NKAIN2: variants seen among roughly 807,000 people sequenced by gnomAD.
The protein encoded by NKAIN2 is sodium/potassium transporting ATPase interacting 2.
Under a neutral mutation model 32.6 loss-of-function variants are expected in NKAIN2, and 14 were observed. The ratio of observed to expected loss-of-function variants is 0.43; its 90% CI spans 0.28 to 0.67. The LOEUF (loss-of-function observed/expected upper bound fraction) is 0.67. Among genes scored for constraint, NKAIN2 ranks in the 30% least tolerant of loss-of-function variants. NKAIN2 has a pLI of 0.17. For missense variants in NKAIN2, 198 were observed against 258.3 expected (o/e 0.77, Z 1.60); for synonymous variants, 80 against 87.2 (o/e 0.92, Z 0.46).
chr6:124,439,986 T>A (rs1775623091), intron 3 of NKAIN2, among the ~76,000 whole-genome samples: 1 of 151,964 alleles, frequency 6.6e-6, no homozygotes, highest in Non-Finnish European at 1.5e-5. Context: ...AAAAAGCAAA[T>A]TTGGGTAGAG....
chr6:123,853,015 T>C (rs984821208), intron 1 of NKAIN2, among the ~76,000 whole-genome samples: 2 of 152,248 alleles, frequency 1.3e-5, no homozygotes, highest in East Asian at 3.8e-4. Flanking sequence ...CTGTAGACTT[T>C]ATCATCATGT....
intron 4 of NKAIN2, among the ~76,000 whole-genome samples, chr6:124,766,812 G>A (rs921674529): frequency 2.6e-5 from 4 of 152,162 alleles, no homozygotes; most frequent in Admixed American, 6.6e-5. Context: ...TTAGGTAAAG[G>A]AATTGAAATC....
intron 3 of NKAIN2, among the ~76,000 whole-genome samples, chr6:124,453,596 AAGAG>A (rs1487157860): frequency 1.3e-5 from 2 of 152,078 alleles, no homozygotes; most frequent in African/African-American, 2.4e-5. Context: ...AGACTATTAA[AAGAG>A]AGAAAAACAA....
intron 1 of NKAIN2, among the ~76,000 whole-genome samples, chr6:123,836,689 A>G (rs916088934): frequency 1.3e-5 from 2 of 151,956 alleles, no homozygotes; most frequent in African/African-American, 2.4e-5. Context: ...AATCTGAATT[A>G]TGTCTGTAGT....
rs1422371467 is a variant in NKAIN2, at chr6:124,619,719, C to A, written c.274-38467C>A. 2.6e-5 allele frequency among the ~76,000 whole-genome samples: 4 copies of A among 151,968 alleles called. No individual in the cohort carries two copies. The East Asian group carries it at 7.7e-4, about 29-fold the overall frequency. ...CTTTGAATTATACCTTCTACACTTG[C>A]CATATAAAAATAATTAGTAATGTAA... On this transcript the variant is annotated intron_variant, in intron 3 of 6. Transcript: ENST00000368417.
chr6:123,972,609 G>C (rs1193489444), intron 1 of NKAIN2, among the ~76,000 whole-genome samples: 1 of 152,116 alleles, frequency 6.6e-6, no homozygotes, highest in Non-Finnish European at 1.5e-5. Flanking sequence ...CTCTATAAAA[G>C]ATAAGAGCCT....
chr6:124,359,884 A>G (rs1245855512), intron 3 of NKAIN2, among the ~76,000 whole-genome samples: 5 of 152,270 alleles, frequency 3.3e-5, no homozygotes, highest in Admixed American at 6.5e-5. Flanking sequence ...GTTTTTGCCC[A>G]TTCAGTATGA....
At chr6:124,733,253 T>C (rs1307125158) in intron 4 of NKAIN2, among the ~76,000 whole-genome samples, 5 of 151,968 alleles carry the variant, frequency 3.3e-5, no homozygotes, top group Non-Finnish European at 5.9e-5. Flanking sequence ...CATGAAATTA[T>C]GCATTTATAA....
At chr6:123,966,905 G>T (rs986465613) in intron 1 of NKAIN2, among the ~76,000 whole-genome samples, 1 of 152,086 alleles carries the variant, frequency 6.6e-6, no homozygotes, top group Non-Finnish European at 1.5e-5. Flanking sequence ...CCAATCTAAA[G>T]TAGTGTTGCT....
chr6:124,426,926 C>T (rs1583234627), intron 3 of NKAIN2, among the ~76,000 whole-genome samples: 1 of 152,270 alleles, frequency 6.6e-6, no homozygotes, highest in South Asian at 2.1e-4. Flanking sequence ...CACCTTCCAC[C>T]ATGATTATGA....
At chr6:124,276,047 T>C (rs1233167220) in intron 1 of NKAIN2, among the ~76,000 whole-genome samples, 1 of 152,128 alleles carries the variant, frequency 6.6e-6, no homozygotes, top group Non-Finnish European at 1.5e-5. Context: ...ACTTGAAGTC[T>C]GAACCACCAT....
chr6:124,405,966 T>C (rs1032869384), intron 3 of NKAIN2, among the ~76,000 whole-genome samples: 1 of 151,108 alleles, frequency 6.6e-6, no homozygotes, highest in Non-Finnish European at 1.5e-5. Flanking sequence ...ACTAGCTTGA[T>C]GCAGTGTAAA....
chr6:123,848,725 C>A (rs1391040085), intron 1 of NKAIN2, among the ~76,000 whole-genome samples: 1 of 152,128 alleles, frequency 6.6e-6, no homozygotes, highest in East Asian at 1.9e-4. Flanking sequence ...TTTGACTGAG[C>A]CAAAGGGTGT....
intron 5 of NKAIN2, among the ~76,000 whole-genome samples, chr6:124,809,433 T>C (rs1203139999): frequency 4.8e-5 from 7 of 146,828 alleles, no homozygotes; most frequent in African/African-American, 1.5e-4. Flanking sequence ...TAGCCATATG[T>C]AGAAAGCTGA....
intron 4 of NKAIN2, among the ~76,000 whole-genome samples, chr6:124,704,058 GA>G (rs1170906829): frequency 6.6e-6 from 1 of 151,926 alleles, no homozygotes; most frequent in Non-Finnish European, 1.5e-5. Context: ...GGGAGTTCTG[GA>G]AAAACGTTGG....
intron 1 of NKAIN2, among the ~76,000 whole-genome samples, chr6:124,241,618 A>T (rs1003835757): frequency 6.6e-6 from 1 of 152,054 alleles, no homozygotes; most frequent in Non-Finnish European, 1.5e-5. Flanking sequence ...TCTTCGAAAA[A>T]CCTGACAAAA....
At chr6:124,574,544 G>A (rs191934294) in intron 3 of NKAIN2, among the ~76,000 whole-genome samples, 148 of 152,238 alleles carry the variant, frequency 9.7e-4, no homozygotes, top group African/African-American at 3.1e-3. Flanking sequence ...ACTTAAACCC[G>A]GGATGCAGAG....
In NKAIN2 at chr6:124,607,752, A is replaced by AT. The variant is rs374607485; in HGVS notation, c.274-50428dup. 5.5e-3 allele frequency among the ~76,000 whole-genome samples: 832 copies of AT among 152,160 alleles called. 11 individuals are homozygous for AT. Among genetic ancestry groups the AT allele is most frequent in the African/African-American group, 0.019 (787 of 41,526 alleles). On this transcript the variant is annotated intron_variant, in intron 3 of 6. Transcript: ENST00000368417. Reference sequence around the variant, plus strand: ...ACAACTTACAATGGTTCAACCTATGATTTTTTACCTTTACAATGGTACAAA... The same window carrying AT: ...ACAACTTACAATGGTTCAACCTATGATTTTTTTACCTTTACAATGGTACAAA...
intron 3 of NKAIN2, among the ~76,000 whole-genome samples, chr6:124,497,772 A>G (rs1778118128): frequency 7.2e-6 from 1 of 138,344 alleles, no homozygotes; most frequent in Admixed American, 8.1e-5. Context: ...TAATTAATGT[A>G]TTTCTACTTT....
Sources: allele counts gnomAD v4.1 joint callset (sites outside exome capture counted in the v4.1 genomes callset), GRCh38; gene constraint gnomAD v4.1.1; transcripts MANE v1.5; gene names NCBI Gene and HGNC (gene_info 2026-07-23, HGNC 2026-07-21).